The following SNAPIN variants were observed in gnomAD, a reference collection of about 807,000 sequenced individuals.
SNAPIN encodes the protein SNARE-associated protein Snapin.
Under a neutral mutation model 15.9 loss-of-function variants are expected in SNAPIN, and 16 were observed. The ratio of observed to expected loss-of-function variants is 1.01; its 90% CI spans 0.68 to 1.53. The LOEUF is 1.53. Ranked by LOEUF, SNAPIN falls within the 40% of genes most tolerant of loss-of-function variation. SNAPIN has a pLI of 0.00. For synonymous variants in SNAPIN, 83 were observed against 76.2 expected (o/e 1.09, Z -0.46); for missense variants, 186 against 180.1 (o/e 1.03, Z -0.19).
chr1:153,658,833 G>T lies in SNAPIN; in HGVS notation c.90G>T (p.Leu30=), dbSNP rs1669075429. The part of the protein sequence containing the change: ...TGRDLFAEGL[L]EFLRPAVQQL... ...GCGACCTTTTCGCCGAAGGGCTGCTGGAGTTCCTGCGACCCGCTGTGCAGC... is the reference window on the plus strand; with the variant it reads ...GCGACCTTTTCGCCGAAGGGCTGCTTGAGTTCCTGCGACCCGCTGTGCAGC... The change falls in exon 1 of 4, where the codon CTG becomes CTT. Residue 30 remains leucine, a synonymous_variant. Coordinates refer to ENST00000368685, the MANE Select transcript of SNAPIN (RefSeq NM_012437.6). 1 of 1,601,238 alleles carries T rather than the reference G, an allele frequency of 6.2e-7. No individual in the cohort carries two copies. Among genetic ancestry groups the T allele is most frequent in the Admixed American group, 1.8e-5 (1 of 55,120 alleles).
chr1:153,661,769 A>G lies in SNAPIN; in HGVS notation c.*468A>G, dbSNP rs1669171985. ...CTCTGTCCACCCACTTTTTTATTGCACTGGCTTGAATACAGTAGCAGTGTT... is the reference window on the plus strand; with the variant it reads ...CTCTGTCCACCCACTTTTTTATTGCGCTGGCTTGAATACAGTAGCAGTGTT... On this transcript the variant is annotated 3_prime_UTR_variant, in exon 4 of 4. Coordinates refer to ENST00000368685, the MANE Select transcript of SNAPIN (RefSeq NM_012437.6). 6.3e-6 allele frequency: 1 copy of G among 159,674 alleles called. No homozygotes were observed. The highest frequency in any genetic ancestry group is 1.7e-4 in the South Asian group (1 of 5,814). The allele number at this position is 159,674 out of a possible 1,614,324, so 9.9% of individuals were successfully genotyped here. A position where few individuals can be genotyped will look rare whatever the true frequency, so the allele number is the denominator to read the frequency against.
rs1669078942 is a variant in SNAPIN at position 153,658,896 on chromosome 1, A to T, written c.143+10A>T. 1.9e-6 allele frequency: 3 copies of T among 1,608,408 alleles called. No individual in the cohort carries two copies. In the Admixed American group the frequency reaches 5.2e-5, roughly 28 times the overall value. ...ACGTACACGCCGTCAGGTGCCCGGG[A>T]GGGAAGTTGGGGGCGGGGCCTGTCT... On this transcript the variant is annotated intron_variant, in intron 1 of 3. Transcript: ENST00000368685.
At chr1:153,660,183 C>T (rs1346805628) in intron 3 of SNAPIN, among the ~76,000 whole-genome samples, 1 of 152,076 alleles carries the variant, frequency 6.6e-6, no homozygotes, top group Non-Finnish European at 1.5e-5. Context: ...CCACCATGTC[C>T]AGCTAATTTT....
Position 153,661,369 on chromosome 1 carries a change from A to G in SNAPIN, c.*68A>G. ...GCTGCCTTGTTTCAACAGACATGCA[A>G]AGATCCTAGGAGACAGTCCCCATAG... On this transcript the variant is annotated 3_prime_UTR_variant, in exon 4 of 4. Coordinates refer to ENST00000368685, the MANE Select transcript of SNAPIN (RefSeq NM_012437.6). 1 of 1,218,268 alleles carries G rather than the reference A, an allele frequency of 8.2e-7. No individual in the cohort carries two copies. The highest frequency in any genetic ancestry group is 1.2e-6 in the Non-Finnish European group (1 of 832,112). The allele number at this position is 1,218,268 out of a possible 1,614,324, so 75.5% of individuals were successfully genotyped here. A position where few individuals can be genotyped will look rare whatever the true frequency, so the allele number is the denominator to read the frequency against.
rs1009565805 is a variant in SNAPIN at position 153,661,414 on chromosome 1, G to C, written c.*113G>C. 1.1e-4 allele frequency: 92 copies of C among 819,510 alleles called. No individual in the cohort carries two copies. The South Asian group carries it at 1.2e-3, about 11-fold the overall frequency. The allele number at this position is 819,510 out of a possible 1,614,324, so 50.8% of individuals were successfully genotyped here. A position where few individuals can be genotyped will look rare whatever the true frequency, so the allele number is the denominator to read the frequency against. On this transcript the variant is annotated 3_prime_UTR_variant, in exon 4 of 4. Transcript: ENST00000368685. The stretch of plus-strand genomic sequence containing the variant: ...CCATAGACCTTCAGACATTAAAAAG[G>C]GAGCCGTACAGTTTGTTTGAAGCAC...
At chr1:153,658,690 G>C (rs1378510343), upstream of SNAPIN, 9 of 1,480,396 alleles carry the variant, frequency 6.1e-6, no homozygotes, top group Admixed American at 2.7e-5. Context: ...GTGCGGCGCG[G>C]CTCCGGTTCC....
chr1:153,659,569 A>T lies in SNAPIN; in HGVS notation c.309+3A>T. 6.3e-7 allele frequency: 1 copy of T among 1,591,380 alleles called. No individual in the cohort carries two copies. The highest frequency in any genetic ancestry group is 8.6e-7 in the Non-Finnish European group (1 of 1,159,268). The stretch of plus-strand genomic sequence containing the variant: ...ACAACATTCTACAGAATGCTCAGGT[A>T]AAAGAATATCTTACCAACAGTGATT... On this transcript the variant is annotated splice_donor_region_variant and intron_variant, in intron 3 of 3. Coordinates refer to ENST00000368685, the MANE Select transcript of SNAPIN (RefSeq NM_012437.6).
Position 153,658,892 on chromosome 1 carries a change from C to A in SNAPIN, c.143+6C>A. 1.2e-6 allele frequency: 2 copies of A among 1,609,578 alleles called. No homozygotes were observed. Among genetic ancestry groups the A allele is most frequent in the Non-Finnish European group, 1.7e-6 (2 of 1,179,194 alleles). Reference sequence around the variant, plus strand: ...TCTCACGTACACGCCGTCAGGTGCCCGGGAGGGAAGTTGGGGGCGGGGCCT... The same window carrying A: ...TCTCACGTACACGCCGTCAGGTGCCAGGGAGGGAAGTTGGGGGCGGGGCCT... On this transcript the variant is annotated splice_donor_region_variant and intron_variant, in intron 1 of 3. Transcript: ENST00000368685.
chr1:153,660,287 C>T (rs527941272), intron 3 of SNAPIN, among the ~76,000 whole-genome samples: 140 of 151,350 alleles, frequency 9.3e-4, no homozygotes, highest in Non-Finnish European at 1.7e-3. Flanking sequence ...CCTCCCAAAA[C>T]GCTGGGATTA....
At position 153,658,906 on chromosome 1, in the gene SNAPIN, G is replaced by A. The variant is rs764537800; in HGVS notation, c.143+20G>A. On this transcript the variant is annotated intron_variant, in intron 1 of 3. Coordinates refer to ENST00000368685, the MANE Select transcript of SNAPIN (RefSeq NM_012437.6). The stretch of plus-strand genomic sequence containing the variant: ...CGTCAGGTGCCCGGGAGGGAAGTTG[G>A]GGGCGGGGCCTGTCTCTCTGGCTTT... 2.5e-6 allele frequency: 4 copies of A among 1,609,176 alleles called. No individual in the cohort carries two copies. The highest frequency in any genetic ancestry group is 3.4e-6 in the Non-Finnish European group (4 of 1,179,058).
At chr1:153,660,967 A>C (rs1669140331) in intron 3 of SNAPIN, among the ~76,000 whole-genome samples, 1 of 151,504 alleles carries the variant, frequency 6.6e-6, no homozygotes, top group Non-Finnish European at 1.5e-5. Context: ...GACGGGTTTT[A>C]CCATGTTGGT....
rs1669071063 is a variant in SNAPIN, at chr1:153,658,708, C to T, written c.-36C>T. 2.7e-6 allele frequency: 4 copies of T among 1,493,932 alleles called. No homozygotes were observed. The highest frequency in any genetic ancestry group is 1.4e-5 in the African/African-American group (1 of 69,578). The allele number at this position is 1,493,932 out of a possible 1,614,324, so 92.5% of individuals were successfully genotyped here. A position where few individuals can be genotyped will look rare whatever the true frequency, so the allele number is the denominator to read the frequency against. ...CGGCGCGGCTCCGGTTCCCGGCGGC[C>T]CTCGCGGCAGGTTTCGGGCTTCAGG... On this transcript the variant is annotated 5_prime_UTR_variant, in exon 1 of 4. Coordinates refer to ENST00000368685, the MANE Select transcript of SNAPIN (RefSeq NM_012437.6).
Position 153,658,812 on chromosome 1 carries a change from C to T in SNAPIN, c.69C>T (p.Asp23=), listed in dbSNP as rs766415427. ...GTPVAGPTGR[D]LFAEGLLEFL... ...CGGTGGCGGGGCCCACAGGCCGCGA[C>T]CTTTTCGCCGAAGGGCTGCTGGAGT... is the stretch of plus-strand genomic sequence containing the variant. The change falls in exon 1 of 4, where the codon GAC becomes GAT. Residue 23 remains aspartate (D), a synonymous_variant. Transcript: ENST00000368685. 9.4e-6 allele frequency: 15 copies of T among 1,594,718 alleles called. No homozygotes were observed. The East Asian group carries it at 3.4e-4, about 36-fold the overall frequency.
Position 153,661,249 on chromosome 1 carries a change from G to T in SNAPIN, c.359G>T (p.Arg120Met). ...AGTGTTGCCAAGGAAACAGCCCGCAGGAGAGCAATGCTGGATTCGGGAATT... is the reference window on the plus strand; with the variant it reads ...AGTGTTGCCAAGGAAACAGCCCGCATGAGAGCAATGCTGGATTCGGGAATT... The part of the protein sequence containing the change: ...NHSVAKETAR[R>M]RAMLDSGIYP... The change falls in exon 4 of 4, where the codon AGG (arginine) becomes ATG (methionine). Residue 120 changes from arginine (R) to methionine (M), a missense_variant. Physicochemically the swap from Arg to Met is moderately conservative, Grantham distance 91 (BLOSUM62 -1). Transcript: ENST00000368685. The T allele has an allele frequency of 6.2e-7, 1 of 1,613,834 alleles. No individual in the cohort carries two copies. The highest frequency in any genetic ancestry group is 8.5e-7 in the Non-Finnish European group (1 of 1,179,838).
chr1:153,660,187 T>C (rs1327053517), intron 3 of SNAPIN, among the ~76,000 whole-genome samples: 3 of 152,080 alleles, frequency 2.0e-5, no homozygotes, highest in Non-Finnish European at 4.4e-5. Flanking sequence ...CATGTCCAGC[T>C]AATTTTTGTA....
intron 3 of SNAPIN, among the ~76,000 whole-genome samples, chr1:153,660,143 C>T (rs577929389): frequency 1.2e-4 from 19 of 152,214 alleles, no homozygotes; most frequent in Admixed American, 1.2e-3. Context: ...CCACCTCAGC[C>T]TCCCAAGTAG....
upstream of SNAPIN, chr1:153,658,684 G>C: frequency 6.8e-7 from 1 of 1,470,648 alleles, no homozygotes; most frequent in Non-Finnish European, 8.9e-7. Context: ...GGGGCAGTGC[G>C]GCGCGGCTCC....
intron 3 of SNAPIN, among the ~76,000 whole-genome samples, chr1:153,660,652 A>G (rs12742546): frequency 0.52 from 55,027 of 105,380 alleles, 11,238 homozygotes; most frequent in East Asian, 0.69. Flanking sequence ...CCGTCTCGGG[A>G]AAAAAAAAAA....
At chr1:153,659,026 T>C in intron 1 of SNAPIN, 112 bp from the exon 2 acceptor site, 2 of 1,542,348 alleles carry the variant, frequency 1.3e-6, no homozygotes, top group Admixed American at 3.7e-5. Context: ...AGGCCGCAGG[T>C]GGAGGGTTCA....
Sources: allele counts gnomAD v4.1 joint callset (sites outside exome capture counted in the v4.1 genomes callset), GRCh38; gene constraint gnomAD v4.1.1; transcripts MANE v1.5; gene names NCBI Gene and HGNC (gene_info 2026-07-23, HGNC 2026-07-21).